Variants in LDB2 observed in about 807,000 individuals in gnomAD.
The protein encoded by LDB2 is LIM domain-binding protein 2.
Under a neutral mutation model 44.3 loss-of-function variants are expected in LDB2, and 12 were observed. That is an observed-to-expected ratio of 0.27 (90% CI 0.17 to 0.44). The LOEUF (loss-of-function observed/expected upper bound fraction) is 0.44. LDB2 is among the 20% of genes least tolerant of loss of function. The probability of loss-of-function intolerance (pLI) is 1.00; values close to 1 mark genes in which losing one functional copy is unlikely to be tolerated. For missense variants in LDB2, 344 were observed against 473.5 expected, an observed-to-expected ratio of 0.73 and a Z score of 2.54; for synonymous variants, 164 against 174.8, an observed-to-expected ratio of 0.94 and a Z score of 0.49.
rs572451055 is a variant in LDB2, at chr4:16,689,627, C to T, written c.235+69531G>A. On this transcript the variant is annotated intron_variant, in intron 2 of 7. Coordinates refer to ENST00000304523, the MANE Select transcript of LDB2 (RefSeq NM_001290.5). ...GACTCCTGTTAAATTCTTCAATCTA[C>T]TTCAGTTTCCTCATCTATAATTTGA... Among the ~76,000 whole-genome samples the T allele has an allele frequency of 7.9e-5, 12 of 152,304 alleles. No homozygotes were observed. In the East Asian group the frequency reaches 2.3e-3, roughly 29 times the overall value.
chr4:16,701,025 A>G (rs1375232841), intron 2 of LDB2, among the ~76,000 whole-genome samples: 1 of 152,158 alleles, frequency 6.6e-6, no homozygotes, highest in Non-Finnish European at 1.5e-5. Flanking sequence ...ACTTATCTCC[A>G]TTTTACTGCT....
intron 2 of LDB2, among the ~76,000 whole-genome samples, chr4:16,707,828 A>T (rs1315025519): frequency 2.0e-5 from 3 of 152,218 alleles, no homozygotes; most frequent in Non-Finnish European, 2.9e-5. Context: ...AGAAAAATAC[A>T]TCGTGAAAAA....
chr4:16,645,759 G>A (rs1443670133), intron 2 of LDB2, among the ~76,000 whole-genome samples: 1 of 152,132 alleles, frequency 6.6e-6, no homozygotes, highest in East Asian at 1.9e-4. Flanking sequence ...CATGAGCTTT[G>A]GGTCAGAGTT....
chr4:16,870,200 G>C (rs1716072347), intron 1 of LDB2, among the ~76,000 whole-genome samples: 1 of 152,184 alleles, frequency 6.6e-6, no homozygotes, highest in Non-Finnish European at 1.5e-5. Context: ...ATATCAATAG[G>C]AGGGAATAGT....
chr4:16,523,053 G>T (rs191854686), intron 5 of LDB2, among the ~76,000 whole-genome samples: 1 of 152,218 alleles, frequency 6.6e-6, no homozygotes, highest in Non-Finnish European at 1.5e-5. Flanking sequence ...GACATTGACT[G>T]TCTATTGTCT....
rs554599446 is a variant in LDB2 at position 16,625,614 on chromosome 4, C to T, written c.236-29739G>A. ...CTTGAATATATCAGCTTCTCAACTGCGAAAAACACAAATGCAATAAAGTCT... is the reference window on the plus strand; with the variant it reads ...CTTGAATATATCAGCTTCTCAACTGTGAAAAACACAAATGCAATAAAGTCT... On this transcript the variant is annotated intron_variant, in intron 2 of 7. Transcript: ENST00000304523. Among the ~76,000 whole-genome samples, 39 of 152,214 alleles carry T rather than the reference C, an allele frequency of 2.6e-4. 2 individuals carry two copies. In the South Asian group the frequency reaches 4.8e-3, roughly 19 times the overall value.
At chr4:16,600,654 C>G (rs1722329504) in intron 2 of LDB2, among the ~76,000 whole-genome samples, 1 of 152,110 alleles carries the variant, frequency 6.6e-6, no homozygotes, top group Admixed American at 6.6e-5. Flanking sequence ...TGGATCCCTG[C>G]TTTCAAGCTC....
intron 2 of LDB2, among the ~76,000 whole-genome samples, chr4:16,746,814 G>A (rs2109066124): frequency 6.6e-6 from 1 of 152,072 alleles, no homozygotes; most frequent in East Asian, 1.9e-4. Context: ...TTAAAAAAAT[G>A]GGAAAATAGG....
intron 2 of LDB2, among the ~76,000 whole-genome samples, chr4:16,671,213 T>C (rs1187114222): frequency 6.6e-6 from 1 of 152,128 alleles, no homozygotes; most frequent in African/African-American, 2.4e-5. Context: ...AGGTGTACCC[T>C]TGAGAGTACT....
At chr4:16,870,160 G>T (rs955019776) in intron 1 of LDB2, among the ~76,000 whole-genome samples, 1 of 152,158 alleles carries the variant, frequency 6.6e-6, no homozygotes, top group Non-Finnish European at 1.5e-5. Context: ...AGATGCCGTG[G>T]ATTCAGTGTT....
intron 1 of LDB2, among the ~76,000 whole-genome samples, chr4:16,873,277 T>C (rs992057120): frequency 9.2e-5 from 14 of 152,340 alleles, no homozygotes; most frequent in East Asian, 1.9e-4. Context: ...TGGTGAATGA[T>C]AGTGACTAAG....
chr4:16,787,610 T>C (rs1031805878), intron 1 of LDB2, among the ~76,000 whole-genome samples: 1 of 151,870 alleles, frequency 6.6e-6, no homozygotes, highest in Non-Finnish European at 1.5e-5. Flanking sequence ...TGAAACTCCA[T>C]CTCAGAAAAA....
At chr4:16,721,691 AACTCAC>A (rs1051603662) in intron 2 of LDB2, among the ~76,000 whole-genome samples, 1 of 152,112 alleles carries the variant, frequency 6.6e-6, no homozygotes, top group African/African-American at 2.4e-5. Flanking sequence ...TCTTAAAGGA[AACTCAC>A]ACTGATCTGA....
At chr4:16,884,939 A>T (rs1306357360) in intron 1 of LDB2, among the ~76,000 whole-genome samples, 1 of 151,846 alleles carries the variant, frequency 6.6e-6, no homozygotes, top group African/African-American at 2.4e-5. Flanking sequence ...TAAAGAAAAA[A>T]ATTTGCATGA....
intron 2 of LDB2, among the ~76,000 whole-genome samples, chr4:16,709,554 TCA>T (rs1284367906): frequency 3.3e-5 from 5 of 152,176 alleles, no homozygotes; most frequent in Non-Finnish European, 4.4e-5. Context: ...AACTTTTAAC[TCA>T]CAAGATATTT....
chr4:16,844,158 A>T (rs937133076), intron 1 of LDB2, among the ~76,000 whole-genome samples: 7 of 148,864 alleles, frequency 4.7e-5, no homozygotes, highest in Non-Finnish European at 8.9e-5. Flanking sequence ...TTGGGAGTCT[A>T]AGGTGAGAGA....
intron 1 of LDB2, among the ~76,000 whole-genome samples, chr4:16,773,207 C>T (rs207687): frequency 0.74 from 112,495 of 152,078 alleles, 44,841 homozygotes; most frequent in Non-Finnish European, 0.91. Context: ...TGCTATAAGC[C>T]GTCAGTCCCC....
At chr4:16,684,709 G>C (rs187492666) in intron 2 of LDB2, among the ~76,000 whole-genome samples, 1 of 152,270 alleles carries the variant, frequency 6.6e-6, no homozygotes, top group Non-Finnish European at 1.5e-5. Context: ...TTTTGGATTT[G>C]ATAACATCGC....
Position 16,586,001 on chromosome 4 carries a change from T to G in LDB2, c.536A>C (p.Gln179Pro). Residue 179 changes from glutamine to proline, a missense_variant, in exon 5 of 8, where the codon CAA becomes CCA. Physicochemically the swap from Gln to Pro is moderately conservative, Grantham distance 76. Around this residue, in one of 3 missense-constraint regions of LDB2, gnomAD observed 226 missense variants for 270.1 expected, o/e 0.84. Transcript: ENST00000304523. ...VPRSILAMHA[Q>P]DPQVLDQLSK... Reference sequence around the variant, plus strand: ...CAGCTGATCCAGGACCTGAGGATCTTGTGCCTAAATGGAAAAAAAACCCCA... The same window carrying G: ...CAGCTGATCCAGGACCTGAGGATCTGGTGCCTAAATGGAAAAAAAACCCCA... The G allele has an allele frequency of 6.2e-7, 1 of 1,613,498 alleles. No individual in the cohort carries two copies. The highest frequency in any genetic ancestry group is 8.5e-7 in the Non-Finnish European group (1 of 1,179,518).
Sources: allele counts gnomAD v4.1 joint callset (sites outside exome capture counted in the v4.1 genomes callset), GRCh38; gene constraint gnomAD v4.1.1; regional missense constraint gnomAD v4.1.1; transcripts MANE v1.5; gene names NCBI Gene and HGNC (gene_info 2026-07-23, HGNC 2026-07-21).